The following FAR2 variants were observed in gnomAD, a reference collection of about 807,000 sequenced individuals.
The protein encoded by FAR2 is epididymis secretory protein Li 81.
In FAR2, 19 loss-of-function variants were observed where a neutral mutation model predicts 56.0. The observed-to-expected ratio is 0.34, with a 90% CI of 0.24 to 0.50. FAR2 has a LOEUF of 0.50. Among genes scored for constraint, FAR2 ranks in the 20% least tolerant of loss-of-function variants. FAR2 has a pLI of 0.98. For missense variants in FAR2, 508 were observed against 642.2 expected (o/e 0.79, Z 2.26); for synonymous variants, 219 against 218.8 (o/e 1.00, Z -0.01).
intron 1 of FAR2, among the ~76,000 whole-genome samples, chr12:29,195,651 T>A (rs1310295814): frequency 1.3e-5 from 2 of 152,184 alleles, no homozygotes; most frequent in East Asian, 3.8e-4. Flanking sequence ...TAGTGGAGAT[T>A]CAGAGAAAAA....
intron 10 of FAR2, among the ~76,000 whole-genome samples, chr12:29,326,702 A>C (rs1476940796): frequency 2.0e-5 from 3 of 152,170 alleles, no homozygotes; most frequent in African/African-American, 7.2e-5. Flanking sequence ...AAATTCAACA[A>C]CACTTCATGC....
intron 1 of FAR2, among the ~76,000 whole-genome samples, chr12:29,180,447 C>T (rs138828273): frequency 6.6e-6 from 1 of 152,226 alleles, no homozygotes; most frequent in East Asian, 1.9e-4. Context: ...CTGCCCTCTC[C>T]CAATGAAACC....
intron 1 of FAR2, among the ~76,000 whole-genome samples, chr12:29,238,923 T>C (rs537478709): frequency 6.6e-5 from 10 of 152,312 alleles, no homozygotes; most frequent in South Asian, 6.2e-4. Context: ...CCGTGAGTTG[T>C]AGAAGTCATG....
At chr12:29,324,943 G>T (rs1949619548) in intron 10 of FAR2, among the ~76,000 whole-genome samples, 1 of 151,784 alleles carries the variant, frequency 6.6e-6, no homozygotes, top group South Asian at 2.1e-4. Flanking sequence ...CAATTAAAAG[G>T]CACAGACTGG....
chr12:29,212,350 C>A (rs1163594704), intron 1 of FAR2, among the ~76,000 whole-genome samples: 2 of 152,148 alleles, frequency 1.3e-5, no homozygotes, highest in South Asian at 4.1e-4. Flanking sequence ...TTACCCCTAA[C>A]CACTAACTGT....
chr12:29,172,211 C>G (rs1373983113), intron 1 of FAR2, among the ~76,000 whole-genome samples: 1 of 151,170 alleles, frequency 6.6e-6, no homozygotes, highest in Non-Finnish European at 1.5e-5. Flanking sequence ...GCCCCACCGT[C>G]TGGGAAGTGA....
intron 10 of FAR2, among the ~76,000 whole-genome samples, chr12:29,323,879 G>A (rs961687425): frequency 2.0e-5 from 3 of 152,174 alleles, no homozygotes; most frequent in African/African-American, 4.8e-5. Context: ...CACCGGCAAC[G>A]GAACAAAGCT....
chr12:29,194,025 G>C (rs946376733), intron 1 of FAR2, among the ~76,000 whole-genome samples: 1 of 152,122 alleles, frequency 6.6e-6, no homozygotes, highest in African/African-American at 2.4e-5. Flanking sequence ...GTTATTCTAA[G>C]TTATAATACA....
chr12:29,299,365 C>G (rs1010846964), intron 4 of FAR2, among the ~76,000 whole-genome samples: 1 of 152,156 alleles, frequency 6.6e-6, no homozygotes. Context: ...AGAATAAACT[C>G]ACCTCCCAGA....
chr12:29,168,596 G>A (rs371993860), intron 1 of FAR2, among the ~76,000 whole-genome samples: 4 of 152,182 alleles, frequency 2.6e-5, no homozygotes, highest in African/African-American at 9.7e-5. Flanking sequence ...GACCTTCGCG[G>A]TGAGTGTTAC....
intron 1 of FAR2, among the ~76,000 whole-genome samples, chr12:29,192,329 T>C (rs1189803181): frequency 6.6e-6 from 1 of 152,192 alleles, no homozygotes; most frequent in Non-Finnish European, 1.5e-5. Flanking sequence ...ATGTGAACAA[T>C]TGGACGCATG....
chr12:29,155,222 G>T (rs1244396670), intron 1 of FAR2, among the ~76,000 whole-genome samples: 2 of 152,204 alleles, frequency 1.3e-5, no homozygotes, highest in African/African-American at 4.8e-5. Context: ...AGACTCCCCA[G>T]GGCCTCTTAG....
chr12:29,167,976 G>A (rs1157187942), intron 1 of FAR2, among the ~76,000 whole-genome samples: 1 of 152,170 alleles, frequency 6.6e-6, no homozygotes, highest in Non-Finnish European at 1.5e-5. Flanking sequence ...TGACATTCTT[G>A]GAGAGATGGT....
chr12:29,320,740 G>A (rs1949537415), intron 9 of FAR2, among the ~76,000 whole-genome samples: 1 of 152,168 alleles, frequency 6.6e-6, no homozygotes. Context: ...CTATCTTACA[G>A]CCATATTGTT....
At chr12:29,274,129 G>T (rs927702691) in intron 2 of FAR2, among the ~76,000 whole-genome samples, 1 of 151,584 alleles carries the variant, frequency 6.6e-6, no homozygotes, top group African/African-American at 2.4e-5. Context: ...TGCCATGTTG[G>T]TGTGCTGCAC....
intron 1 of FAR2, among the ~76,000 whole-genome samples, chr12:29,211,443 T>A (rs1208619394): frequency 1.3e-5 from 2 of 152,224 alleles, no homozygotes; most frequent in Non-Finnish European, 2.9e-5. Context: ...TGACCGATCA[T>A]AATGTTGTCA....
chr12:29,252,290 G>A (rs915629401), intron 1 of FAR2, among the ~76,000 whole-genome samples: 1 of 152,162 alleles, frequency 6.6e-6, no homozygotes, highest in African/African-American at 2.4e-5. Flanking sequence ...ACCCAGGCAG[G>A]ACTATTATGG....
At chr12:29,177,218 G>A (rs1394760856) in intron 1 of FAR2, among the ~76,000 whole-genome samples, 1 of 152,180 alleles carries the variant, frequency 6.6e-6, no homozygotes, top group South Asian at 2.1e-4. Context: ...CAGATTTTCA[G>A]ACACTTGACC....
chr12:29,286,229 C>T (rs1037343830), intron 2 of FAR2, among the ~76,000 whole-genome samples: 7 of 152,134 alleles, frequency 4.6e-5, no homozygotes, highest in Admixed American at 2.0e-4. Context: ...TTTCATTACA[C>T]GAATCCTCAG....
Sources: allele counts gnomAD v4.1 joint callset (sites outside exome capture counted in the v4.1 genomes callset), GRCh38; gene constraint gnomAD v4.1.1; transcripts MANE v1.5; gene names NCBI Gene and HGNC (gene_info 2026-07-23, HGNC 2026-07-21).